Variants in VWCE observed in about 807,000 individuals in gnomAD.
VWCE encodes von Willebrand factor C and EGF domains, also known as von Willebrand factor C and EGF domain-containing protein.
VWCE carries 68 observed loss-of-function variants against 102.9 expected under a neutral mutation model. The ratio of observed to expected loss-of-function variants is 0.66; its 90% CI spans 0.54 to 0.81. The LOEUF (loss-of-function observed/expected upper bound fraction) is 0.81, where lower values mean the gene tolerates loss of function less well. Among genes scored for constraint, VWCE ranks in the 30% least tolerant of loss-of-function variants. VWCE has a pLI of 0.00. For missense variants in VWCE, 1,137 were observed against 1,263.6 expected (o/e 0.90, Z 1.52); for synonymous variants, 497 against 515.4 (o/e 0.96, Z 0.48).
intron 4 of VWCE, among the ~76,000 whole-genome samples, chr11:61,287,345 T>C (rs967062136): frequency 6.6e-6 from 1 of 151,938 alleles, no homozygotes; most frequent in Non-Finnish European, 1.5e-5. Context: ...GAAGATCAGA[T>C]GACGAGAGAA....
intron 3 of VWCE, 52 bp from the exon 4 acceptor site, chr11:61,290,979 TC>T: frequency 6.3e-7 from 1 of 1,580,286 alleles, no homozygotes; most frequent in Non-Finnish European, 8.6e-7. Flanking sequence ...GTCCCAACCA[TC>T]CCCACTTCAC....
Position 61,264,561 on chromosome 11 carries a change from C to T in VWCE, c.2156G>A (p.Cys719Tyr), listed in dbSNP as rs1289421495. The T allele has an allele frequency of 6.2e-7, 1 of 1,611,070 alleles. No homozygotes were observed. Among genetic ancestry groups the T allele is most frequent in the Non-Finnish European group, 8.5e-7 (1 of 1,178,896 alleles). ...GGCCCGCTGGCAGGGAACCTTCTCACAGCTCACCTCTCCCAGCTGGGGAAG... is the reference window on the plus strand; with the variant it reads ...GGCCCGCTGGCAGGGAACCTTCTCATAGCTCACCTCTCCCAGCTGGGGAAG... ...RCTCQLGEVSCEKVPCQRACA... is the reference protein window; with the variant it reads ...RCTCQLGEVSYEKVPCQRACA... The change falls in exon 19 of 20, where the codon TGT becomes TAT. Residue 719 changes from cysteine to tyrosine, a missense_variant. Coordinates refer to ENST00000335613, the MANE Select transcript of VWCE (RefSeq NM_152718.2).
chr11:61,294,900 G>T lies in VWCE; in HGVS notation c.110+28C>A. 7.4e-7 allele frequency: 1 copy of T among 1,350,458 alleles called. No individual in the cohort carries two copies. Among genetic ancestry groups the T allele is most frequent in the Non-Finnish European group, 9.6e-7 (1 of 1,039,242 alleles). 83.7% of individuals were successfully genotyped at this position (1,350,458 alleles called of 1,614,324 possible). A position where few individuals can be genotyped will look rare whatever the true frequency, so the allele number is the denominator to read the frequency against. ...CGCCGGTAGCGCTCTCCCGGGCGGG[G>T]GAGCGGGGAGGAGCTCCGGGCGCTT... On this transcript the variant is annotated intron_variant, in intron 1 of 19. Coordinates refer to ENST00000335613, the MANE Select transcript of VWCE (RefSeq NM_152718.2). This position sits in a 1 kb window ranked among gnomAD's most constrained non-coding sequence, Gnocchi z 6.3.
Sources: allele counts gnomAD v4.1 joint callset (sites outside exome capture counted in the v4.1 genomes callset), GRCh38; gene constraint gnomAD v4.1.1; non-coding constraint Gnocchi (gnomAD v3.1); transcripts MANE v1.5; gene names NCBI Gene and HGNC (gene_info 2026-07-23, HGNC 2026-07-21).